SPPL2B: variants seen among roughly 807,000 people sequenced by gnomAD.
SPPL2B encodes signal peptide peptidase like 2B.
Under a neutral mutation model 59.7 loss-of-function variants are expected in SPPL2B, and 39 were observed. The observed-to-expected ratio is 0.65, with a 90% confidence interval of 0.51 to 0.85. The LOEUF is 0.85. Among genes scored for constraint, SPPL2B ranks in the 40% least tolerant of loss-of-function variants. The probability of loss-of-function intolerance (pLI) is 0.00; values close to 1 mark genes in which losing one functional copy is unlikely to be tolerated. For synonymous variants in SPPL2B, 419 were observed against 370.8 expected (o/e 1.13, Z -1.49); for missense variants, 865 against 849.0 (o/e 1.02, Z -0.23).
chr19:2,351,920 T>A (rs1969949612), intron 14 of SPPL2B, among the ~76,000 whole-genome samples: 1 of 151,928 alleles, frequency 6.6e-6, no homozygotes, highest in South Asian at 2.1e-4. Context: ...CTTTCTAAAG[T>A]TGCTTCTCCC....
At chr19:2,340,328 G>A (rs1291708140) in intron 7 of SPPL2B, among the ~76,000 whole-genome samples, 156 bp downstream of exon 7, 1 of 152,174 alleles carries the variant, frequency 6.6e-6, no homozygotes, top group Non-Finnish European at 1.5e-5. Flanking sequence ...CCAGGAGCAG[G>A]GCGGAGTCTG....
intron 8 of SPPL2B, chr19:2,342,352 G>C (rs1969107717): frequency 6.6e-6 from 1 of 152,332 alleles, no homozygotes; most frequent in Non-Finnish European, 1.5e-5. Context: ...TGTGGCACAA[G>C]TTTTAATTTA....
chr19:2,344,447 C>T, intron 11 of SPPL2B, 23 bp downstream of exon 11: 1 of 1,570,994 alleles, frequency 6.4e-7, no homozygotes, highest in Non-Finnish European at 8.6e-7. Flanking sequence ...ACTGCAGGGT[C>T]TCAGGTTGCC....
intron 2 of SPPL2B, among the ~76,000 whole-genome samples, chr19:2,336,547 ATG>A (rs757824901): frequency 3.3e-5 from 5 of 151,238 alleles, no homozygotes; most frequent in East Asian, 2.0e-4. Flanking sequence ...GTGTGTATGC[ATG>A]TGTGTGTAAT....
Position 2,343,201 on chromosome 19 carries a change from T to G in SPPL2B, c.957-10T>G, listed in dbSNP as rs986860729. On this transcript the variant is annotated splice_polypyrimidine_tract_variant and intron_variant, in intron 8 of 14. Coordinates refer to ENST00000613503, the MANE Select transcript of SPPL2B (RefSeq NM_152988.3). ...CTCTGCCCCGGCGAGGATGCTGCTT[T>G]GTCTTGCAGGTGGGCCTGGGTCCTC... is the stretch of plus-strand genomic sequence containing the variant. 8 of 1,552,150 alleles carry G rather than the reference T, an allele frequency of 5.2e-6. No individual in the cohort carries two copies. In the Admixed American group the frequency reaches 1.6e-4, roughly 30 times the overall value.
At position 2,338,987 on chromosome 19, in the gene SPPL2B, A is replaced by G. The variant is rs1206778899; in HGVS notation, c.460-82A>G. 5.3e-6 allele frequency: 8 copies of G among 1,501,176 alleles called. No individual in the cohort carries two copies. In the African/African-American group the frequency reaches 9.7e-5, roughly 18 times the overall value. 93.0% of individuals were successfully genotyped at this position (1,501,176 alleles called of 1,614,324 possible). A position where few individuals can be genotyped will look rare whatever the true frequency, so the allele number is the denominator to read the frequency against. On this transcript the variant is annotated intron_variant, in intron 4 of 14. Coordinates refer to ENST00000613503, the MANE Select transcript of SPPL2B (RefSeq NM_152988.3). The stretch of plus-strand genomic sequence containing the variant: ...CCTGCAGGCCAGGGTCTCCAGCCCC[A>G]GCCCCACAGCCCACAGCTGCACGTC...
chr19:2,340,186 G>A lies in SPPL2B; in HGVS notation c.839+14G>A. ...CGGCAAGTGCAGGTGAGTCTGCCCT[G>A]CTGGCCCCGACGTGCCTGACTCTGT... On this transcript the variant is annotated intron_variant, in intron 7 of 14. Coordinates refer to ENST00000613503, the MANE Select transcript of SPPL2B (RefSeq NM_152988.3). 6.5e-7 allele frequency: 1 copy of A among 1,539,612 alleles called. No homozygotes were observed. The highest frequency in any genetic ancestry group is 8.7e-7 in the Non-Finnish European group (1 of 1,150,120).
In SPPL2B at chr19:2,328,685, T is replaced by G; in HGVS notation, c.-25T>G. 1 of 1,448,400 alleles carries G rather than the reference T, an allele frequency of 6.9e-7. No individual in the cohort carries two copies. The allele number at this position is 1,448,400 out of a possible 1,614,324, so 89.7% of individuals were successfully genotyped here. On this transcript the variant is annotated 5_prime_UTR_variant, in exon 1 of 15. Transcript: ENST00000613503. ...GGGCGTTGCTGGGAAACATCTGCCGTTGGTTGCGGCGGGCACCGGCCGACA... is the reference window on the plus strand; with the variant it reads ...GGGCGTTGCTGGGAAACATCTGCCGGTGGTTGCGGCGGGCACCGGCCGACA...
At chr19:2,352,416 C>T (rs140442783) in intron 14 of SPPL2B, among the ~76,000 whole-genome samples, 1,653 of 152,310 alleles carry the variant, frequency 0.011, 27 homozygotes, top group Middle Eastern at 0.044. Context: ...GTGCTGGCCG[C>T]GCATGGGGTC....
At chr19:2,350,268 T>C (rs12977577) in intron 13 of SPPL2B, among the ~76,000 whole-genome samples, 6 of 143,398 alleles carry the variant, frequency 4.2e-5, no homozygotes, top group Non-Finnish European at 7.5e-5. Flanking sequence ...ATTCGCTTGA[T>C]TCCGTTCTCT....
chr19:2,352,875 G>A (rs927449448), intron 14 of SPPL2B, 71 bp from the exon 15 acceptor site: 25 of 1,561,134 alleles, frequency 1.6e-5, no homozygotes, highest in Non-Finnish European at 2.0e-5. Flanking sequence ...GGTGCTGGGT[G>A]TCCTGGCCCC....
chr19:2,339,018 A>G (rs1968837112), intron 4 of SPPL2B, 51 bp from the exon 5 acceptor site: 5 of 1,533,286 alleles, frequency 3.3e-6, no homozygotes, highest in Non-Finnish European at 4.4e-6. Context: ...ACGTCGACCC[A>G]TGGCTGGCGG....
chr19:2,345,362 C>G (rs368485194), intron 13 of SPPL2B, 32 bp downstream of exon 13: 1 of 1,594,556 alleles, frequency 6.3e-7, no homozygotes, highest in Non-Finnish European at 8.6e-7. Context: ...GTGCTGGCCT[C>G]TCTGGCTCCA....
chr19:2,339,726 C>A lies in SPPL2B; in HGVS notation c.600-98C>A. 9 of 1,447,086 alleles carry A rather than the reference C, an allele frequency of 6.2e-6. No homozygotes were observed. The South Asian group carries it at 1.1e-4, about 18-fold the overall frequency. The allele number at this position is 1,447,086 out of a possible 1,614,324, so 89.6% of individuals were successfully genotyped here. ...TCCCCCCCGGGTCCCCTCCTGCTCC[C>A]GGGTTTTCTGCCCCGTTCCCCCGGG... On this transcript the variant is annotated intron_variant, in intron 5 of 14. Coordinates refer to ENST00000613503, the MANE Select transcript of SPPL2B (RefSeq NM_152988.3).
chr19:2,350,712 A>G (rs1262740142), intron 13 of SPPL2B, among the ~76,000 whole-genome samples: 2 of 152,274 alleles, frequency 1.3e-5, no homozygotes, highest in Non-Finnish European at 1.5e-5. Flanking sequence ...CTGCGGCGAC[A>G]TCACGTTTGC....
intron 7 of SPPL2B, chr19:2,340,665 G>T: frequency 1.7e-6 from 1 of 581,418 alleles, no homozygotes; most frequent in Non-Finnish European, 3.1e-6. Flanking sequence ...GCGCAGCGCA[G>T]GCGAGGGGCT....
intron 7 of SPPL2B, 110 bp downstream of exon 7, chr19:2,340,282 AG>A (rs1968949898): frequency 1.3e-5 from 12 of 890,332 alleles, no homozygotes; most frequent in South Asian, 1.8e-5. Context: ...AGTCTACAGC[AG>A]GCGCTCCCTC....
chr19:2,341,653 A>G (rs768122626), intron 8 of SPPL2B: 1 of 454,970 alleles, frequency 2.2e-6, no homozygotes, highest in South Asian at 1.5e-5. Context: ...GCAGCCAAGT[A>G]CGCTTGGCTT....
At chr19:2,351,796 G>A (rs1402838598) in intron 14 of SPPL2B, 9 of 723,168 alleles carry the variant, frequency 1.2e-5, no homozygotes, top group African/African-American at 9.2e-5. Context: ...GGTGGGATGC[G>A]GGGGTGCCAG....
Sources: allele counts gnomAD v4.1 joint callset (sites outside exome capture counted in the v4.1 genomes callset), GRCh38; gene constraint gnomAD v4.1.1; transcripts MANE v1.5; gene names NCBI Gene and HGNC (gene_info 2026-07-23, HGNC 2026-07-21).